COL15A1: variants seen among roughly 807,000 people sequenced by gnomAD.
COL15A1 encodes collagen alpha-1(XV) chain.
Under a neutral mutation model 165.9 loss-of-function variants are expected in COL15A1, and 111 were observed. That is an observed-to-expected ratio of 0.67 (90% CI 0.57 to 0.78). The LOEUF (loss-of-function observed/expected upper bound fraction) is 0.78, where lower values mean the gene tolerates loss of function less well. Ranked by LOEUF, COL15A1 falls within the 30% of genes least tolerant of loss-of-function variation. The probability of loss-of-function intolerance (pLI) is 0.00; values close to 1 mark genes in which losing one functional copy is unlikely to be tolerated. For synonymous variants in COL15A1, 659 were observed against 674.8 expected (o/e 0.98, Z 0.36); for missense variants, 1,745 against 1,789.7 (o/e 0.98, Z 0.45).
intron 23 of COL15A1, 23 bp downstream of exon 23, chr9:99,040,579 T>C: frequency 6.2e-7 from 1 of 1,614,200 alleles, no homozygotes; most frequent in Non-Finnish European, 8.5e-7. Flanking sequence ...CTCGCTGTCT[T>C]CTATCTGTGC....
At chr9:99,004,841 G>C in intron 8 of COL15A1, 57 bp from the exon 9 acceptor site, 1 of 1,604,906 alleles carries the variant, frequency 6.2e-7, no homozygotes. Context: ...CCTTACCACA[G>C]TGTGGTGGAT....
chr9:98,965,327 A>C (rs1837938919), intron 2 of COL15A1, among the ~76,000 whole-genome samples: 1 of 152,174 alleles, frequency 6.6e-6, no homozygotes, highest in Non-Finnish European at 1.5e-5. Context: ...AAAAGAATTG[A>C]GAGTAGCAAG....
intron 16 of COL15A1, among the ~76,000 whole-genome samples, chr9:99,033,192 G>A (rs1350759206): frequency 1.3e-5 from 2 of 152,208 alleles, no homozygotes; most frequent in Non-Finnish European, 2.9e-5. Context: ...AGACATGCAG[G>A]GTTCAGGAAG....
chr9:98,985,580 G>A lies in COL15A1; in HGVS notation c.116G>A (p.Gly39Asp). Residue 39 changes from glycine to aspartate, a missense_variant, in exon 3 of 42, where the codon GGT (glycine) becomes GAT (aspartate). Coordinates refer to ENST00000375001, the MANE Select transcript of COL15A1 (RefSeq NM_001855.5). ...TRGATETASQ[G>D]HLDLTQLIGV... is the part of the protein sequence containing the mutation. ...CTCCCTGCAGAGACTGCTTCCCAGG[G>A]TCACCTGGACCTCACGCAGCTCATC... The A allele has an allele frequency of 6.2e-7, 1 of 1,612,298 alleles. No homozygotes were observed. Among genetic ancestry groups the A allele is most frequent in the Non-Finnish European group, 8.5e-7 (1 of 1,178,508 alleles).
At chr9:99,065,830 A>G (rs1825883179) in intron 39 of COL15A1, among the ~76,000 whole-genome samples, 1 of 151,490 alleles carries the variant, frequency 6.6e-6, no homozygotes, top group Non-Finnish European at 1.5e-5. Flanking sequence ...CTGGACACTC[A>G]CTGTAGCTCA....
At chr9:99,049,783 C>G (rs1839553532) in intron 29 of COL15A1, 25 bp downstream of exon 29, 1 of 1,614,110 alleles carries the variant, frequency 6.2e-7, no homozygotes, top group African/African-American at 1.3e-5. Flanking sequence ...AGTGGGAAGA[C>G]CTTCCCGATT....
intron 21 of COL15A1, among the ~76,000 whole-genome samples, chr9:99,037,255 T>C (rs574997368): frequency 5.3e-4 from 80 of 152,320 alleles, no homozygotes; most frequent in African/African-American, 1.8e-3. Context: ...CTCTGGGGCT[T>C]TTTTTCTTCT....
rs185577557 is a variant in COL15A1, at chr9:99,032,246, G to A, written c.2044-2303G>A. ...TTATTATTTTTTGAGATGGAGTCACGCAGTGGTGCGATCTTGGCTCACTGC... is the reference window on the plus strand; with the variant it reads ...TTATTATTTTTTGAGATGGAGTCACACAGTGGTGCGATCTTGGCTCACTGC... On this transcript the variant is annotated intron_variant, in intron 16 of 41. Transcript: ENST00000375001. Among the ~76,000 whole-genome samples the A allele has an allele frequency of 2.0e-5, 3 of 151,448 alleles. 1 individual carries two copies. The highest frequency in any genetic ancestry group is 2.0e-4 in the Admixed American group (3 of 15,190).
At chr9:99,038,643 C>T in intron 21 of COL15A1, 25 bp from the exon 22 acceptor site, 1 of 1,443,380 alleles carries the variant, frequency 6.9e-7, no homozygotes, top group Non-Finnish European at 9.8e-7. Flanking sequence ...CCTTTGTCCT[C>T]ATTGTCTGAT....
chr9:99,023,562 T>A (rs2119013509), intron 14 of COL15A1, 113 bp downstream of exon 14: 1 of 615,444 alleles, frequency 1.6e-6, no homozygotes, highest in East Asian at 2.6e-5. Context: ...CTGCTGGGGT[T>A]GCCGGCAGTG....
intron 21 of COL15A1, 23 bp from the exon 22 acceptor site, chr9:99,038,645 T>A: frequency 6.8e-7 from 1 of 1,469,232 alleles, no homozygotes; most frequent in Non-Finnish European, 9.5e-7. Flanking sequence ...TTTGTCCTCA[T>A]TGTCTGATTT....
chr9:98,970,021 T>A (rs1838020307), intron 2 of COL15A1, among the ~76,000 whole-genome samples: 1 of 143,918 alleles, frequency 6.9e-6, no homozygotes, highest in Non-Finnish European at 1.5e-5. Flanking sequence ...TCTTTGGGAG[T>A]GAGGCAAGAG....
chr9:98,990,443 A>C (rs1285873946), intron 5 of COL15A1, among the ~76,000 whole-genome samples: 1 of 152,206 alleles, frequency 6.6e-6, no homozygotes, highest in Non-Finnish European at 1.5e-5. Flanking sequence ...TGGGGAGGGC[A>C]ACTGCTTTGG....
intron 9 of COL15A1, among the ~76,000 whole-genome samples, chr9:99,013,514 A>G (rs1838878315): frequency 6.6e-6 from 1 of 151,848 alleles, no homozygotes; most frequent in East Asian, 1.9e-4. Flanking sequence ...GTACCTCTGA[A>G]CTAGAATTAG....
intron 9 of COL15A1, among the ~76,000 whole-genome samples, chr9:99,014,060 G>C (rs748272657): frequency 1.3e-5 from 2 of 152,054 alleles, no homozygotes; most frequent in Non-Finnish European, 2.9e-5. Flanking sequence ...TTCTCATTCA[G>C]ATTTGACCAA....
chr9:99,007,425 A>T (rs893337774), intron 9 of COL15A1, among the ~76,000 whole-genome samples: 2 of 152,186 alleles, frequency 1.3e-5, no homozygotes, highest in Non-Finnish European at 2.9e-5. Context: ...CCCCCTTTTT[A>T]AAATCTTTCA....
At chr9:99,009,221 A>G (rs116729594) in intron 9 of COL15A1, among the ~76,000 whole-genome samples, 645 of 152,368 alleles carry the variant, frequency 4.2e-3, no homozygotes, top group African/African-American at 0.014. Flanking sequence ...ACTGTGGATG[A>G]CAAAAGTGTT....
At position 99,035,084 on chromosome 9, in the gene COL15A1, TG is replaced by T. The variant is rs758957114; in HGVS notation, c.2153del (p.Gly718AspfsTer34). The T allele has an allele frequency of 6.4e-5, 103 of 1,601,866 alleles. No homozygotes were observed. Among genetic ancestry groups the T allele is most frequent in the Non-Finnish European group, 9.4e-6 (11 of 1,169,230 alleles). The stretch of plus-strand genomic sequence containing the variant: ...GGACAAGCTGGCCCTCCTGGGGTCA[TG>T]GGACCCCCAGGGCCTCCTGGACCCC... ...KKGQAGPPGV[M>X]GPPGPPGPPG... is the part of the protein sequence containing the mutation. On this transcript the variant is annotated frameshift_variant, in exon 18 of 42. Coordinates refer to ENST00000375001, the MANE Select transcript of COL15A1 (RefSeq NM_001855.5). LOFTEE classifies it high-confidence loss of function.
At chr9:99,032,145 T>C (rs1291856210) in intron 16 of COL15A1, among the ~76,000 whole-genome samples, 1 of 152,114 alleles carries the variant, frequency 6.6e-6, no homozygotes, top group Non-Finnish European at 1.5e-5. Flanking sequence ...TGTTTAAAAA[T>C]TCCTCTGCAT....
Sources: gnomAD v4.1 joint callset for allele counts (sites outside exome capture counted in the v4.1 genomes callset) on GRCh38, gnomAD v4.1.1 for gene constraint, MANE v1.5 for transcripts, NCBI Gene and HGNC (gene_info 2026-07-23, HGNC 2026-07-21) for gene names.